ERFL: variants seen among roughly 807,000 people sequenced by gnomAD.
ERFL encodes the protein ETS repressor factor like.
ERFL carries 8 observed loss-of-function variants against 27.9 expected under a neutral mutation model. That is an observed-to-expected ratio of 0.29 (90% confidence interval 0.17 to 0.52). The LOEUF is 0.52. ERFL is among the 20% of genes least tolerant of loss of function. ERFL has a pLI of 0.97. For synonymous variants in ERFL, 174 were observed against 202.8 expected (o/e 0.86, Z 1.21); for missense variants, 294 against 444.4 (o/e 0.66, Z 3.04).
In ERFL at chr19:41,910,856, G is replaced by GACAT. The variant is rs1452789064; in HGVS notation, c.68-763_68-760dup. Among the ~76,000 whole-genome samples the GACAT allele has an allele frequency of 6.6e-6, 1 of 152,182 alleles. No homozygotes were observed. The highest frequency in any genetic ancestry group is 1.5e-5 in the Non-Finnish European group (1 of 68,026). On this transcript the variant is annotated intron_variant, in intron 2 of 5. Coordinates refer to ENST00000597630, the MANE Select transcript of ERFL (RefSeq NM_001365103.2). This position sits in a 1 kb window ranked among gnomAD's most constrained non-coding sequence, Gnocchi z 4.4. ...ACTCATGCTGGGGGCCACCAAGGCTGACATGGCAGACACAGGCTGCGCAAG... is the reference window on the plus strand; with the variant it reads ...ACTCATGCTGGGGGCCACCAAGGCTGACATACATGGCAGACACAGGCTGCGCAAG...
Position 41,917,909 on chromosome 19 carries a change from C to T in ERFL, c.-13-4977G>A, listed in dbSNP as rs1480059441. Among the ~76,000 whole-genome samples the T allele has an allele frequency of 8.6e-5, 13 of 151,976 alleles. No homozygotes were observed. The highest frequency in any genetic ancestry group is 3.1e-4 in the African/African-American group (13 of 41,314). ...CCCATCTGGGTGCACGAAGCCAGCT[C>T]CCCGCGGTCACACACTGTGTGTGTG... On this transcript the variant is annotated intron_variant, in intron 1 of 5. Transcript: ENST00000597630. The surrounding 1 kb of genome is among the most constrained non-coding windows in gnomAD (Gnocchi z 4.8).
At chr19:41,918,226 C>T (rs1363545853) in intron 1 of ERFL, among the ~76,000 whole-genome samples, 1 of 151,766 alleles carries the variant, frequency 6.6e-6, no homozygotes, top group Non-Finnish European at 1.5e-5. Context: ...CCACACATAC[C>T]ACATATACAC....
At chr19:41,914,262 G>T (rs1555851560) in intron 1 of ERFL, among the ~76,000 whole-genome samples, 1 of 150,058 alleles carries the variant, frequency 6.7e-6, no homozygotes, top group African/African-American at 2.5e-5. Context: ...CCCCGTCTCG[G>T]TATCTCTCCC....
chr19:41,908,749 G>T lies in ERFL; in HGVS notation c.617-73C>A. ...GACCAGTAAAGGGGGCTGCCTCCCT[G>T]CCATATCCCACCCCATCTCCCCGCA... On this transcript the variant is annotated intron_variant, in intron 5 of 5. Transcript: ENST00000597630. The surrounding 1 kb of genome is among the most constrained non-coding windows in gnomAD (Gnocchi z 6.7). 1 of 763,966 alleles carries T rather than the reference G, an allele frequency of 1.3e-6. No homozygotes were observed. Among genetic ancestry groups the T allele is most frequent in the Non-Finnish European group, 1.8e-6 (1 of 560,702 alleles). 47.3% of individuals were successfully genotyped at this position (763,966 alleles called of 1,614,324 possible).
chr19:41,920,068 GAC>G (rs1428170085), intron 1 of ERFL, among the ~76,000 whole-genome samples: 1 of 121,124 alleles, frequency 8.3e-6, no homozygotes, highest in Non-Finnish European at 1.7e-5. Flanking sequence ...ACCCAGATGT[GAC>G]ACACTCACAG....
intron 2 of ERFL, among the ~76,000 whole-genome samples, chr19:41,911,140 ACT>A (rs2074749221): frequency 6.6e-6 from 1 of 152,118 alleles, no homozygotes; most frequent in South Asian, 2.1e-4. Flanking sequence ...ACATGTCAGC[ACT>A]GACACCCCCG....
At position 41,921,307 on chromosome 19, in the gene ERFL, G is replaced by A. The variant is rs2145905779; in HGVS notation, c.-14+6733C>T. ...GGGAGGAAGAGAGACCGAGGGGGTG[G>A]AGCGTGATACATGGAGAACTGAGAG... On this transcript the variant is annotated intron_variant, in intron 1 of 5. Transcript: ENST00000597630. The surrounding 1 kb of genome is among the most constrained non-coding windows in gnomAD (Gnocchi z 4.4). Among the ~76,000 whole-genome samples the A allele has an allele frequency of 6.6e-6, 1 of 152,270 alleles. No individual in the cohort carries two copies. Among genetic ancestry groups the A allele is most frequent in the South Asian group, 2.1e-4 (1 of 4,822 alleles).
intron 1 of ERFL, among the ~76,000 whole-genome samples, chr19:41,918,102 G>A (rs985173517): frequency 2.0e-5 from 3 of 151,906 alleles, no homozygotes; most frequent in Non-Finnish European, 4.4e-5. Context: ...CCCCATCCCG[G>A]ACGCCACCCC....
intron 1 of ERFL, among the ~76,000 whole-genome samples, chr19:41,924,514 C>A (rs781833117): frequency 1.3e-5 from 2 of 151,992 alleles, no homozygotes; most frequent in Non-Finnish European, 2.9e-5. Context: ...ATCACCATCA[C>A]CCTCACCTTT....
chr19:41,920,009 TCA>T (rs782277743), intron 1 of ERFL, among the ~76,000 whole-genome samples: 16 of 114,290 alleles, frequency 1.4e-4, no homozygotes, highest in Non-Finnish European at 1.7e-4. Context: ...CATGACGAAC[TCA>T]CAGACATGAC....
chr19:41,907,774 T>G lies in ERFL; in HGVS notation c.*454A>C. On this transcript the variant is annotated 3_prime_UTR_variant, in exon 6 of 6. Transcript: ENST00000597630. ...GACTGTTGGGATCATGGGGAGCTGG[T>G]GGGGAGGGGGGCCCCTCCTGGGTGG... is the stretch of plus-strand genomic sequence containing the variant. 2 of 170,972 alleles carry G rather than the reference T, an allele frequency of 1.2e-5. No individual in the cohort carries two copies. Among genetic ancestry groups the G allele is most frequent in the Non-Finnish European group, 2.4e-5 (2 of 82,448 alleles). The allele number at this position is 170,972 out of a possible 1,614,324, so 10.6% of individuals were successfully genotyped here.
intron 1 of ERFL, among the ~76,000 whole-genome samples, chr19:41,923,597 T>A (rs2074853717): frequency 8.0e-6 from 1 of 125,740 alleles, no homozygotes; most frequent in African/African-American, 3.1e-5. Context: ...AAGGTGGAAA[T>A]GGAGAAAGGA....
At position 41,921,363 on chromosome 19, in the gene ERFL, AG is replaced by A. The variant is rs1349020373; in HGVS notation, c.-14+6676del. ...AGGAGTGAGACACGGAGGGAGATGGAGGGGGATAGGCGGGACATGGGGAACC... is the reference window on the plus strand; with the variant it reads ...AGGAGTGAGACACGGAGGGAGATGGAGGGGATAGGCGGGACATGGGGAACC... On this transcript the variant is annotated intron_variant, in intron 1 of 5. Transcript: ENST00000597630. This position sits in a 1 kb window ranked among gnomAD's most constrained non-coding sequence, Gnocchi z 4.4. Among the ~76,000 whole-genome samples the A allele has an allele frequency of 7.6e-4, 116 of 152,228 alleles. No homozygotes were observed. Among genetic ancestry groups the A allele is most frequent in the African/African-American group, 2.6e-3 (107 of 41,526 alleles).
intron 1 of ERFL, among the ~76,000 whole-genome samples, chr19:41,922,764 G>A (rs1199373484): frequency 6.6e-6 from 1 of 152,206 alleles, no homozygotes; most frequent in Non-Finnish European, 1.5e-5. Flanking sequence ...AGGGGCATCA[G>A]GCGCGGTGCT....
intron 1 of ERFL, among the ~76,000 whole-genome samples, chr19:41,919,537 G>A (rs1158182339): frequency 2.9e-5 from 4 of 138,874 alleles, no homozygotes; most frequent in South Asian, 4.5e-4. Context: ...ACACACACAC[G>A]TCCACATCTG....
Position 41,909,583 on chromosome 19 carries a change from GGGGAAAC to G in ERFL, c.303-119_303-113del. ...CATGGTGCACAGAGCACTAGAACTT[GGGGAAAC>G]TGAGGCTCACAGAAGTCCCTTAATA... On this transcript the variant is annotated intron_variant, in intron 3 of 5. Coordinates refer to ENST00000597630, the MANE Select transcript of ERFL (RefSeq NM_001365103.2). The surrounding 1 kb of genome is among the most constrained non-coding windows in gnomAD (Gnocchi z 5.2). 2.1e-6 allele frequency: 2 copies of G among 935,602 alleles called. No homozygotes were observed. Among genetic ancestry groups the G allele is most frequent in the Non-Finnish European group, 3.0e-6 (2 of 677,868 alleles). The allele number at this position is 935,602 out of a possible 1,614,324, so 58.0% of individuals were successfully genotyped here.
At position 41,909,959 on chromosome 19, in the gene ERFL, TC is replaced by T; in HGVS notation, c.205del (p.Glu69AsnfsTer23). 1 of 1,613,852 alleles carries T rather than the reference TC, an allele frequency of 6.2e-7. No individual in the cohort carries two copies. Among genetic ancestry groups the T allele is most frequent in the Non-Finnish European group, 8.5e-7 (1 of 1,179,950 alleles). On this transcript the variant is annotated frameshift_variant, in exon 3 of 6. Transcript: ENST00000597630. LOFTEE classifies it high-confidence loss of function. The surrounding 1 kb of genome is among the most constrained non-coding windows in gnomAD (Gnocchi z 5.2). Reference protein sequence around the residue: ...GVIAWQGDYGEFVIKDPDEVA... With the variant: ...GVIAWQGDYGXFVIKDPDEVA... Reference sequence around the variant, plus strand: ...CTCATCGGGGTCTTTGATGACGAATTCCCCGTAGTCCCCCTGCCAGGCTATG... The same window carrying T: ...CTCATCGGGGTCTTTGATGACGAATTCCCGTAGTCCCCCTGCCAGGCTATG...
In ERFL at chr19:41,909,233, G is replaced by A. The variant is rs2074738799; in HGVS notation, c.498+43C>T. ...TCAGACTGTCCCCTCCCCAGAGTGG[G>A]CACCAAGTGCCTCGGTTCCAGGACC... On this transcript the variant is annotated intron_variant, in intron 4 of 5. Transcript: ENST00000597630. This position sits in a 1 kb window ranked among gnomAD's most constrained non-coding sequence, Gnocchi z 5.2. 2 of 1,230,966 alleles carry A rather than the reference G, an allele frequency of 1.6e-6. No individual in the cohort carries two copies. Among genetic ancestry groups the A allele is most frequent in the Admixed American group, 4.2e-5 (1 of 23,720 alleles). The allele number at this position is 1,230,966 out of a possible 1,614,324, so 76.3% of individuals were successfully genotyped here.
At position 41,921,630 on chromosome 19, in the gene ERFL, C is replaced by CCCTGGGTTG. The variant is rs1181034047; in HGVS notation, c.-14+6401_-14+6409dup. 6.6e-6 allele frequency among the ~76,000 whole-genome samples: 1 copy of CCCTGGGTTG among 151,936 alleles called. No individual in the cohort carries two copies. The highest frequency in any genetic ancestry group is 1.9e-4 in the East Asian group (1 of 5,168). Reference sequence around the variant, plus strand: ...GGGAGAGCGAGGGCCGCACCGGAGACCCTGGGTTGGGAGGAAGGAGAGAAG... The same window carrying CCCTGGGTTG: ...GGGAGAGCGAGGGCCGCACCGGAGACCCTGGGTTGCCTGGGTTGGGAGGAAGGAGAGAAG... On this transcript the variant is annotated intron_variant, in intron 1 of 5. Coordinates refer to ENST00000597630, the MANE Select transcript of ERFL (RefSeq NM_001365103.2). The surrounding 1 kb of genome is among the most constrained non-coding windows in gnomAD (Gnocchi z 4.4).
Sources: allele counts gnomAD v4.1 joint callset (sites outside exome capture counted in the v4.1 genomes callset), GRCh38; gene constraint gnomAD v4.1.1; non-coding constraint Gnocchi (gnomAD v3.1); transcripts MANE v1.5; gene names NCBI Gene and HGNC (gene_info 2026-07-23, HGNC 2026-07-21).